Variants in MAST4 observed in about 807,000 individuals in gnomAD.
MAST4 encodes microtubule associated serine/threonine kinase family member 4.
In MAST4, 89 loss-of-function variants were observed where a neutral mutation model predicts 162.7. The ratio of observed to expected loss-of-function variants is 0.55; its 90% CI spans 0.46 to 0.65. The LOEUF is 0.65. Ranked by LOEUF, MAST4 falls within the 30% of genes least tolerant of loss-of-function variation. The probability of loss-of-function intolerance (pLI) is 0.00; values close to 1 mark genes in which losing one functional copy is unlikely to be tolerated. For synonymous variants in MAST4, 1,479 were observed against 1,361.1 expected (o/e 1.09, Z -1.91); for missense variants, 3,153 against 3,374.0 (o/e 0.93, Z 1.62).
intron 4 of MAST4, among the ~76,000 whole-genome samples, chr5:66,917,572 G>A (rs1179471053): frequency 1.4e-5 from 2 of 145,798 alleles, no homozygotes; most frequent in Admixed American, 7.1e-5. Flanking sequence ...TTTTGTACAC[G>A]AGATGAGGTA....
chr5:67,059,665 T>A (rs1759307864), intron 5 of MAST4, among the ~76,000 whole-genome samples: 1 of 152,230 alleles, frequency 6.6e-6, no homozygotes, highest in African/African-American at 2.4e-5. Context: ...GTTGTTTTAC[T>A]ATGAATTTGC....
intron 1 of MAST4, among the ~76,000 whole-genome samples, chr5:66,728,590 A>G (rs1335593240): frequency 6.6e-6 from 1 of 152,204 alleles, no homozygotes; most frequent in Non-Finnish European, 1.5e-5. Flanking sequence ...AAATGATGGA[A>G]ATGTCATGAC....
intron 5 of MAST4, among the ~76,000 whole-genome samples, chr5:67,075,763 T>TG (rs1761569175): frequency 6.6e-6 from 1 of 152,234 alleles, no homozygotes; most frequent in Admixed American, 6.5e-5. Flanking sequence ...TCTCACACAT[T>TG]GTTCCACTTG....
intron 3 of MAST4, among the ~76,000 whole-genome samples, chr5:66,883,935 G>A (rs565866044): frequency 1.3e-5 from 2 of 152,258 alleles, no homozygotes; most frequent in Admixed American, 6.5e-5. Context: ...AATCTTGCAA[G>A]TGTACAAAGG....
intron 4 of MAST4, among the ~76,000 whole-genome samples, chr5:66,979,020 A>T (rs1748470133): frequency 6.6e-6 from 1 of 152,180 alleles, no homozygotes; most frequent in Admixed American, 6.5e-5. Flanking sequence ...AGGCATTGTG[A>T]AAGAAGAGTT....
chr5:66,970,611 C>T (rs974653789), intron 4 of MAST4, among the ~76,000 whole-genome samples: 2 of 152,270 alleles, frequency 1.3e-5, no homozygotes, highest in South Asian at 4.1e-4. Context: ...TGTTTTTTAT[C>T]TATGCACTCA....
chr5:66,917,932 G>C (rs1764227427), intron 4 of MAST4, among the ~76,000 whole-genome samples: 1 of 152,040 alleles, frequency 6.6e-6, no homozygotes. Flanking sequence ...TATCGTAAAT[G>C]CTTTTAAAAT....
rs1054771909 is a variant in MAST4, at chr5:66,703,605, A to T, written c.364-56104A>T. ...TAACAGCTTTATTGGGATATACTTT[A>T]TACACATAAAATGTGCTCATCTTGT... On this transcript the variant is annotated intron_variant, in intron 1 of 28. Coordinates refer to ENST00000403625, the MANE Select transcript of MAST4 (RefSeq NM_001164664.2). Among the ~76,000 whole-genome samples, 4 of 152,196 alleles carry T rather than the reference A, an allele frequency of 2.6e-5. No homozygotes were observed. The East Asian group carries it at 7.7e-4, about 29-fold the overall frequency.
intron 4 of MAST4, among the ~76,000 whole-genome samples, chr5:66,931,324 C>A (rs181311115): frequency 4.6e-5 from 7 of 152,042 alleles, no homozygotes; most frequent in Non-Finnish European, 2.9e-5. Context: ...GTCCTAGTAC[C>A]CTGTTTTTCC....
intron 4 of MAST4, among the ~76,000 whole-genome samples, chr5:66,942,273 T>C (rs1743450886): frequency 6.6e-6 from 1 of 152,126 alleles, no homozygotes; most frequent in Admixed American, 6.6e-5. Flanking sequence ...AAAATTAGCT[T>C]TCACAACATA....
At chr5:66,746,617 G>C (rs1037003088) in intron 1 of MAST4, among the ~76,000 whole-genome samples, 2 of 152,206 alleles carry the variant, frequency 1.3e-5, no homozygotes, top group Admixed American at 1.3e-4. Flanking sequence ...ATGGAAGGAA[G>C]ATGATGGGTG....
intron 4 of MAST4, among the ~76,000 whole-genome samples, chr5:66,913,737 A>G (rs10064999): frequency 0.13 from 20,386 of 152,140 alleles, 1,688 homozygotes; most frequent in African/African-American, 0.22. Flanking sequence ...AGGTTTTCTC[A>G]TATGTTTTCT....
In MAST4 at chr5:66,760,218, C is replaced by T. The variant is rs562404097; in HGVS notation, c.517+356C>T. Reference sequence around the variant, plus strand: ...GCAACCTCCGCCTCCCAGGTTCAAGCGATTCTCCTGCCTCAGCCTCCTGAG... The same window carrying T: ...GCAACCTCCGCCTCCCAGGTTCAAGTGATTCTCCTGCCTCAGCCTCCTGAG... On this transcript the variant is annotated intron_variant, in intron 2 of 28. Coordinates refer to ENST00000403625, the MANE Select transcript of MAST4 (RefSeq NM_001164664.2). Among the ~76,000 whole-genome samples the T allele has an allele frequency of 5.5e-5, 8 of 146,354 alleles. No individual in the cohort carries two copies. In the South Asian group the frequency reaches 1.4e-3, roughly 25 times the overall value.
chr5:66,737,535 G>A (rs867377118), intron 1 of MAST4, among the ~76,000 whole-genome samples: 3 of 152,084 alleles, frequency 2.0e-5, no homozygotes, highest in East Asian at 1.9e-4. Context: ...TAAGATCACC[G>A]CGCCTGGGCA....
intron 3 of MAST4, among the ~76,000 whole-genome samples, chr5:66,790,954 C>T (rs1016705085): frequency 2.0e-5 from 3 of 152,150 alleles, no homozygotes; most frequent in Non-Finnish European, 4.4e-5. Context: ...GTATGTTTAT[C>T]GCCAAGTCAA....
chr5:67,063,580 T>A (rs1057171822), intron 5 of MAST4, among the ~76,000 whole-genome samples: 9 of 152,152 alleles, frequency 5.9e-5, no homozygotes, highest in Admixed American at 5.9e-4. Flanking sequence ...AACTGATGCC[T>A]AATTTTAATT....
Position 67,166,103 on chromosome 5 carries a change from A to G in MAST4, c.6924A>G (p.Gly2308=), listed in dbSNP as rs773803138. The change falls in exon 29 of 29, where the codon GGA becomes GGG. Residue 2308 remains glycine (G), a synonymous_variant. Transcript: ENST00000403625. ...LEKPVHLPRP[G]HPGPSEPADQ... ...AGCCTGTGCATTTGCCAAGGCCGGG[A>G]CACCCAGGGCCTAGTGAGCCAGCGG... is the stretch of plus-strand genomic sequence containing the variant. The G allele has an allele frequency of 4.3e-6, 7 of 1,611,622 alleles. No homozygotes were observed. Among genetic ancestry groups the G allele is most frequent in the Non-Finnish European group, 5.9e-6 (7 of 1,178,810 alleles).
At chr5:66,668,614 A>C (rs764716184) in intron 1 of MAST4, among the ~76,000 whole-genome samples, 2 of 152,158 alleles carry the variant, frequency 1.3e-5, no homozygotes, top group African/African-American at 2.4e-5. Flanking sequence ...AATAGTACTA[A>C]CCCCACAAGG....
chr5:67,021,577 A>G (rs538716497), intron 4 of MAST4, among the ~76,000 whole-genome samples: 25 of 152,344 alleles, frequency 1.6e-4, no homozygotes, highest in African/African-American at 4.6e-4. Flanking sequence ...CAAAGGAGCA[A>G]TAAGATTTTT....
Sources: gnomAD v4.1 joint callset for allele counts (sites outside exome capture counted in the v4.1 genomes callset) on GRCh38, gnomAD v4.1.1 for gene constraint, MANE v1.5 for transcripts, NCBI Gene and HGNC (gene_info 2026-07-23, HGNC 2026-07-21) for gene names.